Variants in OR4N2 observed in about 807,000 individuals in gnomAD.
OR4N2 encodes olfactory receptor 4N2.
For synonymous variants in OR4N2, 141 were observed against 140.4 expected (o/e 1.00, Z -0.03); for missense variants, 307 against 377.6 (o/e 0.81, Z 1.55).
chr14:19,815,023 A>G (rs1272751835), intron 1 of OR4N2, among the ~76,000 whole-genome samples: 27 of 152,264 alleles, frequency 1.8e-4, no homozygotes, highest in African/African-American at 6.3e-4. Context: ...ATGGCTGCAT[A>G]GTATTCCATA....
In OR4N2 at chr14:19,828,125, G is replaced by A. The variant is rs777854313; in HGVS notation, c.677G>A (p.Arg226Gln). The A allele has an allele frequency of 3.7e-6, 6 of 1,614,212 alleles. No individual in the cohort carries two copies. Among genetic ancestry groups the A allele is most frequent in the South Asian group, 3.3e-5 (3 of 91,086 alleles). ...TATGCAGTCATTCTTTGTCGCATAC[G>A]AGGGTCTTCTTCTGAGGCAAAAAAC... ...ASYAVILCRI[R>Q]GSSSEAKNKA... The change falls in exon 2 of 2, where the codon CGA (arginine) becomes CAA (glutamine). Residue 226 changes from arginine (R) to glutamine (Q), a missense_variant. Arg to Gln is a conservative substitution (Grantham distance 43). Transcript: ENST00000557677.
chr14:19,823,556 T>C (rs1312505382), intron 1 of OR4N2, among the ~76,000 whole-genome samples: 1 of 152,254 alleles, frequency 6.6e-6, no homozygotes, highest in African/African-American at 2.4e-5. Context: ...TTTGTTTTGT[T>C]TTGTTTTTAG....
In OR4N2 at chr14:19,827,528, T is replaced by C. The variant is rs1226396952; in HGVS notation, c.80T>C (p.Val27Ala). ...LTQSQDIQLLVFVLVLIFYFI... is the reference protein window; with the variant it reads ...LTQSQDIQLLAFVLVLIFYFI... The stretch of plus-strand genomic sequence containing the variant: ...CAGTCTCAAGATATTCAGCTCCTGG[T>C]CTTTGTGCTAGTTTTAATATTCTAC... The change falls in exon 2 of 2, where the codon GTC becomes GCC. Residue 27 changes from valine to alanine, a missense_variant. Transcript: ENST00000557677. 8 of 1,613,978 alleles carry C rather than the reference T, an allele frequency of 5.0e-6. No homozygotes were observed. In the East Asian group the frequency reaches 1.6e-4, roughly 31 times the overall value.
chr14:19,818,933 G>A (rs530625212), intron 1 of OR4N2, among the ~76,000 whole-genome samples: 263 of 152,232 alleles, frequency 1.7e-3, no homozygotes, highest in African/African-American at 5.7e-3. Flanking sequence ...TTTCTCCTTC[G>A]CTTATGAAGC....
chr14:19,809,191 T>C (rs1323015016), intron 1 of OR4N2, among the ~76,000 whole-genome samples: 4 of 152,080 alleles, frequency 2.6e-5, no homozygotes, highest in Non-Finnish European at 5.9e-5. Flanking sequence ...TTTTTCACCA[T>C]ATACAAAAAT....
chr14:19,827,455 A>C lies in OR4N2; in HGVS notation c.7A>C (p.Ser3Arg), dbSNP rs1879727589. 3.8e-6 allele frequency: 6 copies of C among 1,583,480 alleles called. No individual in the cohort carries two copies. Among genetic ancestry groups the C allele is most frequent in the Non-Finnish European group, 5.1e-6 (6 of 1,166,124 alleles). ...TGTACTGCAGGCCAGGGAAATGGAA[A>C]GCGAGAACAGAACAGTGATAAGAGA... is the stretch of plus-strand genomic sequence containing the variant. MESENRTVIREFI... is the reference protein window; with the variant it reads MERENRTVIREFI... The change falls in exon 2 of 2, where the codon AGC becomes CGC. Residue 3 changes from serine (S) to arginine (R), a missense_variant. By Grantham distance (110) the Ser-to-Arg change is moderately radical (BLOSUM62 -1). Transcript: ENST00000557677.
chr14:19,816,476 A>G (rs142666937), intron 1 of OR4N2, among the ~76,000 whole-genome samples: 1 of 152,078 alleles, frequency 6.6e-6, no homozygotes, highest in Admixed American at 6.5e-5. Flanking sequence ...AATGGGAGTT[A>G]ACTCATGATT....
At chr14:19,815,655 GTT>G (rs59019427) in intron 1 of OR4N2, among the ~76,000 whole-genome samples, 44,891 of 136,060 alleles carry the variant, frequency 0.33, 4,322 homozygotes, top group East Asian at 0.4. Context: ...GTTTTTTTTT[GTT>G]TTTTTTTTTT....
chr14:19,815,242 G>A (rs1456351270), intron 1 of OR4N2, among the ~76,000 whole-genome samples: 2 of 152,224 alleles, frequency 1.3e-5, no homozygotes, highest in Admixed American at 6.5e-5. Flanking sequence ...TTGAGGAATC[G>A]CTACACTGTC....
At chr14:19,815,957 T>C (rs1216634540) in intron 1 of OR4N2, among the ~76,000 whole-genome samples, 2 of 152,214 alleles carry the variant, frequency 1.3e-5, no homozygotes, top group Non-Finnish European at 2.9e-5. Context: ...AAATAGGGAA[T>C]CCTTTTCCCA....
In OR4N2 at chr14:19,827,797, G is replaced by A. The variant is rs1302644914; in HGVS notation, c.349G>A (p.Val117Met). 3 of 1,614,234 alleles carry A rather than the reference G, an allele frequency of 1.9e-6. No homozygotes were observed. Among genetic ancestry groups the A allele is most frequent in the South Asian group, 1.1e-5 (1 of 91,090 alleles). Residue 117 changes from valine to methionine, a missense_variant, in exon 2 of 2, where the codon GTG becomes ATG. Val to Met is a conservative substitution (Grantham distance 21). Transcript: ENST00000557677. Reference sequence around the variant, plus strand: ...AGGAGGGGAGGGATTACTCCTTGTTGTGATGGCCTTTGACCGCTACATCGC... The same window carrying A: ...AGGAGGGGAGGGATTACTCCTTGTTATGATGGCCTTTGACCGCTACATCGC... ...LGGGEGLLLV[V>M]MAFDRYIAIC...
Position 19,827,562 on chromosome 14 carries a change from C to T in OR4N2, c.114C>T (p.Ile38=). The T allele has an allele frequency of 6.2e-7, 1 of 1,614,188 alleles. No homozygotes were observed. Among genetic ancestry groups the T allele is most frequent in the Non-Finnish European group, 8.5e-7 (1 of 1,180,022 alleles). Reference sequence around the variant, plus strand: ...TAGTTTTAATATTCTACTTCATCATCCTCCCTGGAAATTTTCTCATTATTT... The same window carrying T: ...TAGTTTTAATATTCTACTTCATCATTCTCCCTGGAAATTTTCTCATTATTT... ...FVLVLIFYFI[I]LPGNFLIIFT... Residue 38 remains isoleucine, a synonymous_variant, in exon 2 of 2, where the codon ATC becomes ATT. Coordinates refer to ENST00000557677, the MANE Select transcript of OR4N2 (RefSeq NM_001004723.3).
At chr14:19,809,214 G>T (rs946673811) in intron 1 of OR4N2, among the ~76,000 whole-genome samples, 1 of 151,962 alleles carries the variant, frequency 6.6e-6, no homozygotes, top group African/African-American at 2.4e-5. Context: ...ACTCAAAATC[G>T]ATTAAAGATT....
intron 1 of OR4N2, among the ~76,000 whole-genome samples, chr14:19,818,774 C>T (rs1353922430): frequency 2.6e-5 from 4 of 152,224 alleles, no homozygotes; most frequent in Non-Finnish European, 4.4e-5. Context: ...TTCTTCATAG[C>T]TTCAATGGTC....
At chr14:19,822,797 T>A (rs773505740) in intron 1 of OR4N2, among the ~76,000 whole-genome samples, 1 of 152,270 alleles carries the variant, frequency 6.6e-6, no homozygotes, top group Admixed American at 6.5e-5. Flanking sequence ...TTGATCCTCA[T>A]GTTACCCCCA....
rs1476616279 is a variant in OR4N2, at chr14:19,806,990, C to CA, written c.-10+3153dup. 7.9e-5 allele frequency among the ~76,000 whole-genome samples: 12 copies of CA among 151,838 alleles called. 1 individual carries two copies. The highest frequency in any genetic ancestry group is 5.8e-4 in the East Asian group (3 of 5,186). On this transcript the variant is annotated intron_variant, in intron 1 of 1. Coordinates refer to ENST00000557677, the MANE Select transcript of OR4N2 (RefSeq NM_001004723.3). ...GTGCACACTGAAATTAGGCAAAAAT[C>CA]AAAAAAATTCTTTGAAATTAAAACA...
intron 1 of OR4N2, among the ~76,000 whole-genome samples, chr14:19,826,465 T>A (rs1879702936): frequency 6.6e-6 from 1 of 152,238 alleles, no homozygotes; most frequent in African/African-American, 2.4e-5. Context: ...GAGCAAAAAA[T>A]AAAACTCACT....
At chr14:19,818,064 A>T (rs1192839721) in intron 1 of OR4N2, among the ~76,000 whole-genome samples, 1 of 152,180 alleles carries the variant, frequency 6.6e-6, no homozygotes, top group Non-Finnish European at 1.5e-5. Context: ...ATTTGTTATG[A>T]TTTCTGTTCT....
chr14:19,807,132 A>G (rs1594391983), intron 1 of OR4N2, among the ~76,000 whole-genome samples: 1 of 152,006 alleles, frequency 6.6e-6, no homozygotes, highest in East Asian at 1.9e-4. Context: ...CTTCATCAAG[A>G]AGTTAGAAAA....
Sources: gnomAD v4.1 joint callset for allele counts (sites outside exome capture counted in the v4.1 genomes callset) on GRCh38, gnomAD v4.1.1 for gene constraint, MANE v1.5 for transcripts, NCBI Gene and HGNC (gene_info 2026-07-23, HGNC 2026-07-21) for gene names.